GRID2: variants seen among roughly 807,000 people sequenced by gnomAD.
GRID2 encodes glutamate receptor ionotropic, delta-2.
Under a neutral mutation model 114.8 loss-of-function variants are expected in GRID2, and 33 were observed. That is an observed-to-expected ratio of 0.29 (90% CI 0.22 to 0.38). The LOEUF is 0.38. Among genes scored for constraint, GRID2 ranks in the 10% least tolerant of loss-of-function variants. GRID2 has a pLI of 1.00. For synonymous variants in GRID2, 505 were observed against 449.9 expected, an observed-to-expected ratio of 1.12 and a Z score of -1.55; for missense variants, 1,184 against 1,257.7, an observed-to-expected ratio of 0.94 and a Z score of 0.89.
rs1723675240 is a variant in GRID2, at chr4:93,024,296, G to T, written c.245-60699G>T. On this transcript the variant is annotated intron_variant, in intron 2 of 15. Transcript: ENST00000282020. ...CAAATGCAGAGAAATTTCTGTTTAT[G>T]AGTATGCAATAGATTTTAATGTTAG... Among the ~76,000 whole-genome samples, 3 of 151,612 alleles carry T rather than the reference G, an allele frequency of 2.0e-5. No individual in the cohort carries two copies. The South Asian group carries it at 6.2e-4, about 32-fold the overall frequency.
chr4:92,738,404 T>G (rs1244100019), intron 2 of GRID2, among the ~76,000 whole-genome samples: 1 of 152,246 alleles, frequency 6.6e-6, no homozygotes, highest in Admixed American at 6.5e-5. Context: ...TCACAAAAAT[T>G]TAGGCTGTTT....
chr4:92,396,640 TGTAAATGCCAAC>T (rs1237269024), intron 1 of GRID2, among the ~76,000 whole-genome samples: 2 of 152,038 alleles, frequency 1.3e-5, no homozygotes, highest in East Asian at 3.8e-4. Context: ...AAAGATAGCA[TGTAAATGCCAAC>T]AGGTGTATAA....
At chr4:93,704,921 C>T (rs1039034918) in intron 14 of GRID2, among the ~76,000 whole-genome samples, 38 of 152,172 alleles carry the variant, frequency 2.5e-4, no homozygotes, top group Non-Finnish European at 1.3e-4. Flanking sequence ...CATAGGAGTG[C>T]AGACACCTTT....
At chr4:93,278,488 C>T (rs1752308884) in intron 8 of GRID2, among the ~76,000 whole-genome samples, 1 of 151,746 alleles carries the variant, frequency 6.6e-6, no homozygotes, top group Non-Finnish European at 1.5e-5. Context: ...AAGGCTAATG[C>T]CGAATGGGCA....
chr4:93,409,804 G>C (rs1036864481), intron 9 of GRID2, among the ~76,000 whole-genome samples: 3 of 152,276 alleles, frequency 2.0e-5, no homozygotes, highest in Admixed American at 1.3e-4. Context: ...TTTCTTACTA[G>C]CTTTGTAACT....
intron 2 of GRID2, among the ~76,000 whole-genome samples, chr4:92,740,726 A>AGATG (rs1553922604): frequency 9.8e-5 from 14 of 142,518 alleles, no homozygotes; most frequent in Non-Finnish European, 1.8e-4. Flanking sequence ...ATAGATAGAT[A>AGATG]GATAGATAGA....
chr4:93,564,724 C>T (rs1735247871), intron 13 of GRID2, among the ~76,000 whole-genome samples: 1 of 151,864 alleles, frequency 6.6e-6, no homozygotes, highest in Admixed American at 6.6e-5. Context: ...AGTCAGTATC[C>T]CTCTGCATAA....
chr4:93,793,833 TG>T (rs1734744741), intron 1 of GRID2, among the ~76,000 whole-genome samples: 1 of 152,296 alleles, frequency 6.6e-6, no homozygotes, highest in African/African-American at 2.4e-5. Context: ...CTTCTTGGCA[TG>T]TTTTTCTCAT....
At chr4:93,658,794 A>G (rs1437891227) in intron 14 of GRID2, among the ~76,000 whole-genome samples, 1 of 152,206 alleles carries the variant, frequency 6.6e-6, no homozygotes, top group Non-Finnish European at 1.5e-5. Flanking sequence ...TTAGAATTTC[A>G]TAGTGTTCAA....
chr4:93,415,307 C>G (rs896852259), intron 9 of GRID2, among the ~76,000 whole-genome samples: 3 of 152,008 alleles, frequency 2.0e-5, no homozygotes, highest in African/African-American at 7.2e-5. Context: ...AAACTTTCAA[C>G]AAATATTTAG....
rs560057112 is a variant in GRID2, at chr4:93,392,786, C to G, written c.1246-2821C>G. Among the ~76,000 whole-genome samples the G allele has an allele frequency of 1.2e-3, 181 of 152,070 alleles. 2 individuals carry two copies. The highest frequency in any genetic ancestry group is 9.0e-4 in the Non-Finnish European group (61 of 67,940). ...ATAGATCACATTTATGAAAAAGATT[C>G]ATAAGTTATAAAACAACACCTCAAT... On this transcript the variant is annotated intron_variant, in intron 8 of 15. Coordinates refer to ENST00000282020, the MANE Select transcript of GRID2 (RefSeq NM_001510.4).
chr4:92,490,294 A>C (rs1723089668), intron 1 of GRID2, among the ~76,000 whole-genome samples: 1 of 152,200 alleles, frequency 6.6e-6, no homozygotes, highest in Admixed American at 6.5e-5. Flanking sequence ...TTGTGAGAAC[A>C]CAGAAATAGA....
chr4:93,602,649 G>A (rs891152222), intron 13 of GRID2, among the ~76,000 whole-genome samples: 1 of 152,126 alleles, frequency 6.6e-6, no homozygotes, highest in African/African-American at 2.4e-5. Context: ...CTGCTTCACC[G>A]ACTGACAGTT....
intron 13 of GRID2, among the ~76,000 whole-genome samples, chr4:93,589,290 G>C (rs186812328): frequency 4.4e-3 from 662 of 148,870 alleles, no homozygotes; most frequent in South Asian, 0.011. Flanking sequence ...CTATGAGTGA[G>C]AATATGTGGT....
chr4:92,594,294 CA>C (rs1728847085), intron 2 of GRID2, among the ~76,000 whole-genome samples: 1 of 151,800 alleles, frequency 6.6e-6, no homozygotes, highest in Non-Finnish European at 1.5e-5. Context: ...TATGTTCAAC[CA>C]TGGAATAGTA....
rs371426455 is a variant in GRID2, at chr4:93,533,144, T to C, written c.2193+17733T>C. Among the ~76,000 whole-genome samples, 359 of 152,258 alleles carry C rather than the reference T, an allele frequency of 2.4e-3. 5 individuals carry two copies. The highest frequency in any genetic ancestry group is 7.8e-3 in the African/African-American group (325 of 41,564). On this transcript the variant is annotated intron_variant, in intron 13 of 15. Coordinates refer to ENST00000282020, the MANE Select transcript of GRID2 (RefSeq NM_001510.4). ...TGTCCCACCTTTTATTTTTTTCTTT[T>C]TCACTTGATAGCAAATTCATTCTTC...
intron 14 of GRID2, among the ~76,000 whole-genome samples, chr4:93,664,573 TTGG>T (rs574967314): frequency 4.7e-4 from 71 of 152,178 alleles, no homozygotes; most frequent in Non-Finnish European, 8.5e-4. Flanking sequence ...TCCAAGTTTC[TTGG>T]TTTGAACAAC....
intron 8 of GRID2, among the ~76,000 whole-genome samples, chr4:93,264,756 TGA>T (rs1491119608): frequency 4.4e-5 from 3 of 67,430 alleles, no homozygotes; most frequent in Admixed American, 2.1e-4. Context: ...ATCATTTGAA[TGA>T]TATATATATA....
At chr4:93,453,811 T>C (rs977131900) in intron 10 of GRID2, among the ~76,000 whole-genome samples, 2 of 152,108 alleles carry the variant, frequency 1.3e-5, no homozygotes, top group African/African-American at 2.4e-5. Flanking sequence ...TAGTGATCAA[T>C]TAGTAAATTA....
Sources: allele counts gnomAD v4.1 joint callset (sites outside exome capture counted in the v4.1 genomes callset), GRCh38; gene constraint gnomAD v4.1.1; transcripts MANE v1.5; gene names NCBI Gene and HGNC (gene_info 2026-07-23, HGNC 2026-07-21).